CAST: variants seen among roughly 807,000 people sequenced by gnomAD.
The protein encoded by CAST is calpastatin.
CAST carries 76 observed loss-of-function variants against 119.6 expected under a neutral mutation model. The observed-to-expected ratio is 0.64, with a 90% CI of 0.53 to 0.77. The LOEUF (loss-of-function observed/expected upper bound fraction) is 0.77, where lower values mean the gene tolerates loss of function less well. CAST is among the 30% of genes least tolerant of loss of function. The probability of loss-of-function intolerance (pLI) is 0.00; values close to 1 mark genes in which losing one functional copy is unlikely to be tolerated. For missense variants in CAST, 953 were observed against 946.5 expected, an observed-to-expected ratio of 1.01 and a Z score of -0.09; for synonymous variants, 319 against 331.6, an observed-to-expected ratio of 0.96 and a Z score of 0.41.
chr5:96,481,188 C>T, the CAST span, among the ~76,000 whole-genome samples: 2 of 151,848 alleles, frequency 1.3e-5, no homozygotes, highest in Non-Finnish European at 2.9e-5. Flanking sequence ...GTCCTGTGTC[C>T]ACACAGTCTT....
chr5:96,731,891 C>G (rs1172791717), intron 9 of CAST, among the ~76,000 whole-genome samples: 1 of 152,114 alleles, frequency 6.6e-6, no homozygotes, highest in Non-Finnish European at 1.5e-5. Flanking sequence ...TTTTCTTAAT[C>G]CACTCTGTCA....
chr5:96,204,243 G>A, the CAST span, among the ~76,000 whole-genome samples: 12 of 151,872 alleles, frequency 7.9e-5, no homozygotes, highest in African/African-American at 2.4e-4. Context: ...GGTTTCATCC[G>A]CTTTCCAGCA....
chr5:96,729,452 A>G, intron 7 of CAST, 160 bp from the exon 8 acceptor site: 1 of 618,856 alleles, frequency 1.6e-6, no homozygotes. Context: ...TCACATGTAC[A>G]TCACACTAAT....
At chr5:95,993,301 G>A in the CAST span, among the ~76,000 whole-genome samples, 2 of 152,206 alleles carry the variant, frequency 1.3e-5, no homozygotes, top group South Asian at 2.1e-4. Context: ...AAGGGCTAAA[G>A]CTAGAAAATT....
the CAST span, among the ~76,000 whole-genome samples, chr5:96,012,022 T>A: frequency 1.3e-5 from 2 of 152,294 alleles, no homozygotes; most frequent in African/African-American, 4.8e-5. Flanking sequence ...AAAGATTTAC[T>A]TTTTCATTTA....
the CAST span, among the ~76,000 whole-genome samples, chr5:96,041,784 T>C: frequency 6.6e-6 from 1 of 152,028 alleles, no homozygotes; most frequent in Non-Finnish European, 1.5e-5. Flanking sequence ...GTAGGAGGCA[T>C]GGTTCTCTGG....
chr5:96,287,041 TTTTTAA>T, the CAST span, among the ~76,000 whole-genome samples: 1 of 152,158 alleles, frequency 6.6e-6, no homozygotes, highest in Admixed American at 6.5e-5. Flanking sequence ...AACTCAACTT[TTTTTAA>T]ATTGAGGGTT....
At chr5:96,761,433 C>A (rs1215968143) in intron 24 of CAST, 1 of 152,132 alleles carries the variant, frequency 6.6e-6, no homozygotes, top group Non-Finnish European at 1.5e-5. Flanking sequence ...TTATAGTTAT[C>A]TAAATTAGTT....
chr5:96,399,071 ATATCCAAACTTCC>A, the CAST span: 1 of 1,515,230 alleles, frequency 6.6e-7, no homozygotes, highest in Non-Finnish European at 9.1e-7. Flanking sequence ...TGAATAAAGT[ATATCCAAACTTCC>A]TTGCATTTTA....
chr5:96,014,308 T>C, the CAST span, among the ~76,000 whole-genome samples: 1 of 152,290 alleles, frequency 6.6e-6, no homozygotes, highest in South Asian at 2.1e-4. Flanking sequence ...TGCATGCAAC[T>C]GTGATCTCCT....
At position 96,534,759 on chromosome 5, in the gene CAST, A is replaced by AAG. The variant is rs1281087943; in HGVS notation, c.60+4881_60+4882dup. ...AGAGAGAGAAAGAAAGAAAGAAAGA[A>AAG]AGAAAGAAAGAAAGAAAGAAAGAAA... is the stretch of plus-strand genomic sequence containing the variant. On this transcript the variant is annotated intron_variant, in intron 1 of 11. Coordinates refer to the CAST transcript ENST00000505143. Among the ~76,000 whole-genome samples the AAG allele has an allele frequency of 7.4e-3, 411 of 55,578 alleles. 32 individuals carry two copies. The highest frequency in any genetic ancestry group is 0.011 in the Non-Finnish European group (252 of 23,496). The allele number at this position is 55,578 out of a possible 152,430, so 36.5% of individuals were successfully genotyped here.
At chr5:96,645,004 C>A (rs34453544) in intron 1 of CAST, among the ~76,000 whole-genome samples, 5,484 of 152,230 alleles carry the variant, frequency 0.036, 307 homozygotes, top group East Asian at 0.21. Flanking sequence ...AAACCCAAAA[C>A]TCCAGACTTC....
At chr5:96,157,271 C>G in the CAST span, among the ~76,000 whole-genome samples, 1 of 152,124 alleles carries the variant, frequency 6.6e-6, no homozygotes, top group Non-Finnish European at 1.5e-5. Flanking sequence ...CATCCACGGG[C>G]CCTGGTGATC....
At chr5:96,662,855 A>T in intron 1 of CAST, 1 of 558,872 alleles carries the variant, frequency 1.8e-6, no homozygotes, top group Non-Finnish European at 3.1e-6. Flanking sequence ...AGCGGGATGT[A>T]GTCTTCCGCG....
intron 1 of CAST, among the ~76,000 whole-genome samples, chr5:96,590,013 G>A (rs980233486): frequency 1.2e-4 from 18 of 152,186 alleles, no homozygotes; most frequent in Non-Finnish European, 2.5e-4. Flanking sequence ...TCAAATGAGA[G>A]TATTAGAGCA....
the CAST span, among the ~76,000 whole-genome samples, chr5:96,327,924 G>C: frequency 6.6e-6 from 1 of 152,158 alleles, no homozygotes; most frequent in Non-Finnish European, 1.5e-5. Flanking sequence ...TTTGTAAAGT[G>C]CTGTACAAAT....
At chr5:96,085,850 A>G in the CAST span, among the ~76,000 whole-genome samples, 9 of 152,182 alleles carry the variant, frequency 5.9e-5, no homozygotes, top group Admixed American at 1.3e-4. Context: ...TAACATCCAT[A>G]TCTTGTCCAG....
At chr5:96,139,505 C>CAT in the CAST span, among the ~76,000 whole-genome samples, 7 of 140,654 alleles carry the variant, frequency 5.0e-5, no homozygotes, top group South Asian at 2.2e-4. Context: ...TATATATATA[C>CAT]ACATATATAT....
chr5:95,982,236 C>A, the CAST span, among the ~76,000 whole-genome samples: 1 of 151,970 alleles, frequency 6.6e-6, no homozygotes, highest in East Asian at 1.9e-4. Context: ...TTTATCACTC[C>A]CCTCTGGGAT....
Sources: allele counts gnomAD v4.1 joint callset (sites outside exome capture counted in the v4.1 genomes callset), GRCh38; gene constraint gnomAD v4.1.1; transcripts MANE v1.5; gene names NCBI Gene and HGNC (gene_info 2026-07-23, HGNC 2026-07-21).